UMODL1: variants seen among roughly 807,000 people sequenced by gnomAD.
The protein encoded by UMODL1 is uromodulin-like 1.
Under a neutral mutation model 136.3 loss-of-function variants are expected in UMODL1, and 128 were observed. That is an observed-to-expected ratio of 0.94 (90% CI 0.81 to 1.09). The LOEUF is 1.09. Ranked by LOEUF, UMODL1 falls within the 50% of genes least tolerant of loss-of-function variation. UMODL1 has a pLI of 0.00. For synonymous variants in UMODL1, 721 were observed against 720.0 expected (o/e 1.00, Z -0.02); for missense variants, 1,766 against 1,725.6 (o/e 1.02, Z -0.41).
At chr21:42,075,033 G>A (rs1164908903) in intron 1 of UMODL1, among the ~76,000 whole-genome samples, 1 of 151,848 alleles carries the variant, frequency 6.6e-6, no homozygotes, top group South Asian at 2.1e-4. Flanking sequence ...CAAGTAGCTG[G>A]GACTACAGGC....
chr21:42,128,106 G>A lies in UMODL1; in HGVS notation c.3690+275G>A, dbSNP rs548240737. ...AGGCCATAATATTCAACCGGCTGTC[G>A]CGTCAGCACTGCCTTGCCATGATAC... On this transcript the variant is annotated intron_variant, in intron 20 of 22. Coordinates refer to ENST00000408910, the MANE Select transcript of UMODL1 (RefSeq NM_001004416.3). 2.8e-4 allele frequency: 156 copies of A among 562,366 alleles called. 3 individuals are homozygous for A. The highest frequency in any genetic ancestry group is 1.7e-3 in the South Asian group (111 of 65,526). The allele number at this position is 562,366 out of a possible 1,614,324, so 34.8% of individuals were successfully genotyped here. A position where few individuals can be genotyped will look rare whatever the true frequency, so the allele number is the denominator to read the frequency against.
At chr21:42,077,072 C>A (rs1268188918) in intron 2 of UMODL1, among the ~76,000 whole-genome samples, 1 of 125,762 alleles carries the variant, frequency 8.0e-6, no homozygotes, top group Non-Finnish European at 1.6e-5. Flanking sequence ...TGTGTGGTGG[C>A]TGCTAATTTT....
intron 6 of UMODL1, chr21:42,093,604 C>A: frequency 4.3e-6 from 1 of 232,200 alleles, no homozygotes; most frequent in South Asian, 5.1e-5. Context: ...GTGGATGTGG[C>A]GGGCTCCAGG....
chr21:42,135,675 G>T (rs2067196235), intron 21 of UMODL1, among the ~76,000 whole-genome samples: 1 of 152,220 alleles, frequency 6.6e-6, no homozygotes. Context: ...TTTAGGAGTT[G>T]TCTGGGGAAG....
chr21:42,066,278 C>CTTTATTTA (rs747266910), intron 1 of UMODL1, among the ~76,000 whole-genome samples: 1 of 152,124 alleles, frequency 6.6e-6, no homozygotes, highest in Non-Finnish European at 1.5e-5. Context: ...GAGCATTACT[C>CTTTATTTA]TTTATTTATT....
Position 42,085,395 on chromosome 21 carries a change from C to T in UMODL1, c.586C>T (p.Arg196Cys), listed in dbSNP as rs570051505. 6.2e-6 allele frequency: 10 copies of T among 1,613,950 alleles called. No individual in the cohort carries two copies. The highest frequency in any genetic ancestry group is 2.2e-5 in the East Asian group (1 of 44,880). The change falls in exon 4 of 23, where the codon CGC becomes TGC. Residue 196 changes from arginine (R) to cysteine (C), a missense_variant. Physicochemically the swap from Arg to Cys is radical, Grantham distance 180. Coordinates refer to ENST00000408910, the MANE Select transcript of UMODL1 (RefSeq NM_001004416.3). This position sits in a 1 kb window ranked among gnomAD's most constrained non-coding sequence, Gnocchi z 4.5. ...QVDPRLLNHM[R>C]LLHSLVTSAL... is the part of the protein sequence containing the mutation. ...GGACCCCAGGCTCCTGAACCACATG[C>T]GCCTTCTGCATTCCTTGGTAGGTGA... is the stretch of plus-strand genomic sequence containing the variant.
At chr21:42,126,982 C>T (rs771573631) in intron 18 of UMODL1, 24 bp from the exon 19 acceptor site, 13 of 1,599,248 alleles carry the variant, frequency 8.1e-6, no homozygotes, top group African/African-American at 2.7e-5. Flanking sequence ...AAACATGCCT[C>T]CTGCAAGCTG....
chr21:42,065,098 A>C (rs2066172499), intron 1 of UMODL1, among the ~76,000 whole-genome samples: 1 of 152,116 alleles, frequency 6.6e-6, no homozygotes, highest in South Asian at 2.1e-4. Flanking sequence ...ATGTCCTTTT[A>C]TCCCAACCTC....
At chr21:42,111,829 C>A (rs1426193404) in intron 12 of UMODL1, 119 bp downstream of exon 12, 2 of 1,069,184 alleles carry the variant, frequency 1.9e-6, no homozygotes, top group South Asian at 1.7e-5. Context: ...GCTCAGGCGG[C>A]ATCCTCATCT....
chr21:42,071,883 CAA>C (rs71274595), intron 1 of UMODL1, among the ~76,000 whole-genome samples: 23 of 137,610 alleles, frequency 1.7e-4, no homozygotes, highest in Middle Eastern at 3.9e-3. Flanking sequence ...CCATGTGTAC[CAA>C]AAAAAAAAAA....
intron 1 of UMODL1, among the ~76,000 whole-genome samples, chr21:42,072,043 CCAAACAAACAAA>C (rs56367687): frequency 6.7e-6 from 1 of 148,904 alleles, no homozygotes; most frequent in Non-Finnish European, 1.5e-5. Flanking sequence ...GCAAAAGCCC[CCAAACAAACAAA>C]CAAACAAACA....
rs1205357836 is a variant in UMODL1 at position 42,085,058 on chromosome 21, C to T, written c.482-233C>T. Among the ~76,000 whole-genome samples, 1 of 152,082 alleles carries T rather than the reference C, an allele frequency of 6.6e-6. No individual in the cohort carries two copies. Among genetic ancestry groups the T allele is most frequent in the African/African-American group, 2.4e-5 (1 of 41,398 alleles). On this transcript the variant is annotated intron_variant, in intron 3 of 22. Coordinates refer to ENST00000408910, the MANE Select transcript of UMODL1 (RefSeq NM_001004416.3). This position sits in a 1 kb window ranked among gnomAD's most constrained non-coding sequence, Gnocchi z 4.5. Reference sequence around the variant, plus strand: ...TGCTGTGGGTCCCAGGCCCAGCTCACCTCTGAGCAGGGATCGGTGGTCTTC... The same window carrying T: ...TGCTGTGGGTCCCAGGCCCAGCTCATCTCTGAGCAGGGATCGGTGGTCTTC...
intron 1 of UMODL1, among the ~76,000 whole-genome samples, chr21:42,065,013 G>C (rs2066171770): frequency 2.0e-5 from 3 of 152,136 alleles, no homozygotes. Context: ...CTTGCGGCTG[G>C]GGGAATGTAC....
At chr21:42,064,659 G>T (rs1170077763) in intron 1 of UMODL1, among the ~76,000 whole-genome samples, 1 of 152,038 alleles carries the variant, frequency 6.6e-6, no homozygotes, top group African/African-American at 2.4e-5. Context: ...AGGTTCAAGC[G>T]ATTCCCCTGC....
At chr21:42,066,090 A>G (rs879339542) in intron 1 of UMODL1, among the ~76,000 whole-genome samples, 2 of 152,226 alleles carry the variant, frequency 1.3e-5, no homozygotes, top group African/African-American at 2.4e-5. Context: ...CTTATCCTTG[A>G]TGCTCACGAT....
In UMODL1 at chr21:42,084,195, A is replaced by G; in HGVS notation, c.431A>G (p.Lys144Arg). 7 of 1,613,948 alleles carry G rather than the reference A, an allele frequency of 4.3e-6. No individual in the cohort carries two copies. Among genetic ancestry groups the G allele is most frequent in the South Asian group, 3.3e-5 (3 of 91,078 alleles). ...SLDIDCPGLE[K>R]CCPWSGGRYC... Reference sequence around the variant, plus strand: ...GACATCGACTGTCCTGGACTTGAGAAGTGCTGCCCCTGGTCAGGGGGGCGC... The same window carrying G: ...GACATCGACTGTCCTGGACTTGAGAGGTGCTGCCCCTGGTCAGGGGGGCGC... Residue 144 changes from lysine (K) to arginine (R), a missense_variant, in exon 3 of 23, where the codon AAG becomes AGG. Physicochemically the swap from Lys to Arg is conservative, Grantham distance 26. Coordinates refer to ENST00000408910, the MANE Select transcript of UMODL1 (RefSeq NM_001004416.3).
Position 42,127,758 on chromosome 21 carries a change from T to A in UMODL1, c.3617T>A (p.Ile1206Asn). 6.2e-7 allele frequency: 1 copy of A among 1,614,188 alleles called. No individual in the cohort carries two copies. Among genetic ancestry groups the A allele is most frequent in the South Asian group, 1.1e-5 (1 of 91,076 alleles). ...TTCAAGCTGAGGATCTTTTCCTTTA[T>A]CAACGACTCCATCGTCTACCTGCAC... ...AQFKLRIFSF[I>N]NDSIVYLHCK... The change falls in exon 20 of 23, where the codon ATC (isoleucine) becomes AAC (asparagine). Residue 1206 changes from isoleucine (I) to asparagine (N), a missense_variant. Ile to Asn is a moderately radical substitution (Grantham distance 149, BLOSUM62 -3). Coordinates refer to ENST00000408910, the MANE Select transcript of UMODL1 (RefSeq NM_001004416.3).
At chr21:42,087,954 C>T (rs1753359493) in intron 4 of UMODL1, among the ~76,000 whole-genome samples, 1 of 152,196 alleles carries the variant, frequency 6.6e-6, no homozygotes, top group Non-Finnish European at 1.5e-5. Flanking sequence ...GGGCACCAGC[C>T]ATATTGGATT....
rs775372991 is a variant in UMODL1 at position 42,103,876 on chromosome 21, C to T, written c.1308C>T (p.Ser436=). The part of the protein sequence containing the change: ...FSRQLLHEVE[S]SFPPVVSDLY... The stretch of plus-strand genomic sequence containing the variant: ...TGCCTCTTCTTGGCTAGGTCGAGAG[C>T]TCCTTCCCACCAGTGGTGTCTGACT... The change falls in exon 9 of 23, where the codon AGC becomes AGT. Residue 436 remains serine, a synonymous_variant. Coordinates refer to ENST00000408910, the MANE Select transcript of UMODL1 (RefSeq NM_001004416.3). 3.7e-6 allele frequency: 6 copies of T among 1,614,066 alleles called. No homozygotes were observed. The highest frequency in any genetic ancestry group is 2.2e-5 in the East Asian group (1 of 44,894).
Sources: gnomAD v4.1 joint callset for allele counts (sites outside exome capture counted in the v4.1 genomes callset) on GRCh38, gnomAD v4.1.1 for gene constraint, Gnocchi (gnomAD v3.1) non-coding constraint, MANE v1.5 for transcripts, NCBI Gene and HGNC (gene_info 2026-07-23, HGNC 2026-07-21) for gene names.